The following ADD1 variants were observed in gnomAD, a reference collection of about 807,000 sequenced individuals.
ADD1 encodes the protein alpha-adducin.
A neutral mutation model predicts 80.5 loss-of-function variants in ADD1; 24 were observed. The ratio of observed to expected loss-of-function variants is 0.30; its 90% CI spans 0.22 to 0.42. The LOEUF is 0.42. ADD1 is among the 10% of genes least tolerant of loss of function. The pLI, the probability that ADD1 is intolerant of heterozygous loss-of-function variation, is 1.00. For synonymous variants in ADD1, 373 were observed against 393.8 expected (o/e 0.95, Z 0.63); for missense variants, 948 against 1,019.0 (o/e 0.93, Z 0.95).
At chr4:2,851,364 C>G (rs1408989654) in intron 1 of ADD1, among the ~76,000 whole-genome samples, 1 of 152,200 alleles carries the variant, frequency 6.6e-6, no homozygotes, top group East Asian at 1.9e-4. Context: ...AGCAAACTTA[C>G]AATGCTTACA....
Position 2,926,705 on chromosome 4 carries a change from C to T in ADD1, c.2047+593C>T, listed in dbSNP as rs372497970. 124 of 1,609,060 alleles carry T rather than the reference C, an allele frequency of 7.7e-5. No homozygotes were observed. The highest frequency in any genetic ancestry group is 3.3e-4 in the Middle Eastern group (2 of 6,044). The stretch of plus-strand genomic sequence containing the variant: ...GTACCGTGCTGCCTCCGCTCTCCAC[C>T]GGTGCCCTGCGCTTTGCCTCATTCT... On this transcript the variant is annotated intron_variant, in intron 15 of 15. Transcript: ENST00000683351. The surrounding 1 kb of genome is among the most constrained non-coding windows in gnomAD (Gnocchi z 5.0).
intron 10 of ADD1, chr4:2,907,186 G>A (rs971206949): frequency 6.6e-6 from 1 of 152,360 alleles, no homozygotes; most frequent in African/African-American, 2.4e-5. Context: ...GGTAGCTACC[G>A]TGTAAGTGTC....
chr4:2,920,137 A>G (rs1462445710), intron 14 of ADD1, among the ~76,000 whole-genome samples: 1 of 152,196 alleles, frequency 6.6e-6, no homozygotes, highest in Admixed American at 6.5e-5. Context: ...GTTTCCATGT[A>G]GTTACGCAGT....
At chr4:2,898,565 T>C in intron 8 of ADD1, 34 bp downstream of exon 8, 4 of 1,568,164 alleles carry the variant, frequency 2.6e-6, no homozygotes, top group Non-Finnish European at 3.5e-6. Flanking sequence ...CTCTGCAGTT[T>C]ATTTAGATGT....
intron 2 of ADD1, among the ~76,000 whole-genome samples, chr4:2,877,699 T>C (rs1731581901): frequency 6.6e-6 from 1 of 151,982 alleles, no homozygotes; most frequent in Non-Finnish European, 1.5e-5. Flanking sequence ...CGGGTGTGGG[T>C]GCTTGGCTGG....
At chr4:2,913,094 C>T (rs1457556727) in intron 13 of ADD1, among the ~76,000 whole-genome samples, 5 of 151,874 alleles carry the variant, frequency 3.3e-5, no homozygotes, top group African/African-American at 7.3e-5. Flanking sequence ...GTGATCCACC[C>T]GCCTCAGCTT....
In ADD1 at chr4:2,909,333, T is replaced by C. The variant is rs1159734957; in HGVS notation, c.1699-6T>C. The C allele has an allele frequency of 1.9e-6, 3 of 1,549,730 alleles. No individual in the cohort carries two copies. The highest frequency in any genetic ancestry group is 2.7e-5 in the African/African-American group (2 of 73,142). On this transcript the variant is annotated splice_region_variant and splice_polypyrimidine_tract_variant and intron_variant, in intron 12 of 15. Transcript: ENST00000683351. Reference sequence around the variant, plus strand: ...TGTGCTCTGGTGACTCAGTTTACTGTTTCAGGATGCACCTCTCTCTGACTG... The same window carrying C: ...TGTGCTCTGGTGACTCAGTTTACTGCTTCAGGATGCACCTCTCTCTGACTG...
At chr4:2,925,928 G>T in intron 14 of ADD1, 86 bp from the exon 15 acceptor site, 1 of 1,160,706 alleles carries the variant, frequency 8.6e-7, no homozygotes. Context: ...GCGGCCGAGC[G>T]GGCTGCCCCA....
intron 14 of ADD1, among the ~76,000 whole-genome samples, chr4:2,919,622 G>A (rs976493653): frequency 4.3e-4 from 66 of 152,110 alleles, no homozygotes; most frequent in African/African-American, 1.4e-3. Context: ...GTTTATTTGC[G>A]TAGAAGTGTT....
chr4:2,870,446 A>G (rs1730250852), intron 1 of ADD1, among the ~76,000 whole-genome samples: 1 of 152,196 alleles, frequency 6.6e-6, no homozygotes, highest in African/African-American at 2.4e-5. Flanking sequence ...TAGCAAACCA[A>G]CTGTCCTTAG....
intron 4 of ADD1, among the ~76,000 whole-genome samples, chr4:2,891,902 G>A (rs1360783948): frequency 6.6e-6 from 1 of 152,106 alleles, no homozygotes; most frequent in African/African-American, 2.4e-5. Context: ...TGTAGAAGGG[G>A]GTTAGAATTT....
intron 14 of ADD1, among the ~76,000 whole-genome samples, chr4:2,925,052 A>G (rs753446217): frequency 9.9e-5 from 15 of 152,218 alleles, no homozygotes; most frequent in Non-Finnish European, 1.5e-4. Context: ...CTGTGATCAC[A>G]GAGCTGTCAG....
chr4:2,898,175 G>T lies in ADD1; in HGVS notation c.742-9G>T. On this transcript the variant is annotated splice_polypyrimidine_tract_variant and intron_variant, in intron 6 of 15. Transcript: ENST00000683351. Reference sequence around the variant, plus strand: ...TTTTCCTTCTTCATGGCGACCATTTGGTCTCTAGGTCTCTGCAATGAAATG... The same window carrying T: ...TTTTCCTTCTTCATGGCGACCATTTTGTCTCTAGGTCTCTGCAATGAAATG... The T allele has an allele frequency of 1.2e-6, 2 of 1,602,250 alleles. No homozygotes were observed. The highest frequency in any genetic ancestry group is 2.2e-5 in the South Asian group (2 of 89,904).
In ADD1 at chr4:2,926,484, G is replaced by C. The variant is rs1711654127; in HGVS notation, c.2047+372G>C. On this transcript the variant is annotated intron_variant, in intron 15 of 15. Coordinates refer to ENST00000683351, the MANE Select transcript of ADD1 (RefSeq NM_001354761.2). The surrounding 1 kb of genome is among the most constrained non-coding windows in gnomAD (Gnocchi z 5.0). ...TGCCTCTCAGCCACCGTGTGTCTGT[G>C]GTGTGTGATCCCGGGTGTCTGTCCC... 1 of 776,676 alleles carries C rather than the reference G, an allele frequency of 1.3e-6. No homozygotes were observed. Among genetic ancestry groups the C allele is most frequent in the African/African-American group, 1.7e-5 (1 of 58,556 alleles). The allele number at this position is 776,676 out of a possible 1,614,324, so 48.1% of individuals were successfully genotyped here. A position where few individuals can be genotyped will look rare whatever the true frequency, so the allele number is the denominator to read the frequency against.
chr4:2,925,916 G>A (rs1740884143), intron 14 of ADD1, 98 bp from the exon 15 acceptor site: 3 of 943,142 alleles, frequency 3.2e-6, no homozygotes, highest in South Asian at 1.5e-5. Flanking sequence ...CCTTCTCAGA[G>A]GGCGGCCGAG....
At chr4:2,876,208 C>T (rs939543722) in intron 2 of ADD1, 98 bp downstream of exon 2, 1 of 1,207,080 alleles carries the variant, frequency 8.3e-7, no homozygotes, top group Non-Finnish European at 1.1e-6. Context: ...GTTCATTGAT[C>T]TTATCACAGG....
intron 1 of ADD1, among the ~76,000 whole-genome samples, chr4:2,870,482 TAATG>T (rs1730256841): frequency 6.6e-6 from 1 of 151,812 alleles, no homozygotes; most frequent in South Asian, 2.2e-4. Context: ...AGAATTTGTA[TAATG>T]CAACAGAGAG....
At chr4:2,860,145 G>A (rs900477028) in intron 1 of ADD1, among the ~76,000 whole-genome samples, 1 of 152,060 alleles carries the variant, frequency 6.6e-6, no homozygotes, top group African/African-American at 2.4e-5. Context: ...TGCTCACTTA[G>A]TTATAACTTC....
intron 14 of ADD1, among the ~76,000 whole-genome samples, chr4:2,919,786 C>A (rs1739690908): frequency 6.6e-6 from 1 of 151,756 alleles, no homozygotes; most frequent in Non-Finnish European, 1.5e-5. Context: ...TAAAAAAAAC[C>A]AGCTCCTGGA....
Sources: gnomAD v4.1 joint callset for allele counts (sites outside exome capture counted in the v4.1 genomes callset) on GRCh38, gnomAD v4.1.1 for gene constraint, Gnocchi (gnomAD v3.1) non-coding constraint, MANE v1.5 for transcripts, NCBI Gene and HGNC (gene_info 2026-07-23, HGNC 2026-07-21) for gene names.